ATRNL1: variants seen among roughly 807,000 people sequenced by gnomAD.
ATRNL1 encodes the protein attractin like 1, also known as attractin-like protein 1.
Under a neutral mutation model 182.7 loss-of-function variants are expected in ATRNL1, and 95 were observed. The observed-to-expected ratio is 0.52, with a 90% CI of 0.44 to 0.62. The LOEUF is 0.62. Among genes scored for constraint, ATRNL1 ranks in the 20% least tolerant of loss-of-function variants. ATRNL1 has a pLI of 0.00. For missense variants in ATRNL1, 1,471 were observed against 1,679.5 expected, an observed-to-expected ratio of 0.88 and a Z score of 2.17; for synonymous variants, 576 against 568.3, an observed-to-expected ratio of 1.01 and a Z score of -0.19.
At chr10:115,897,861 A>G (rs1008414632) in intron 28 of ATRNL1, among the ~76,000 whole-genome samples, 4 of 152,180 alleles carry the variant, frequency 2.6e-5, no homozygotes, top group African/African-American at 7.2e-5. Context: ...GTGATCATTC[A>G]TGTTAGTCGT....
chr10:115,351,742 G>GTTTTGTTTTGTTT (rs1554941414), intron 19 of ATRNL1, among the ~76,000 whole-genome samples: 1 of 149,742 alleles, frequency 6.7e-6, no homozygotes, highest in Non-Finnish European at 1.5e-5. Context: ...TTCTTTTCTT[G>GTTTTGTTTTGTTT]TGTTTTGTTT....
intron 27 of ATRNL1, among the ~76,000 whole-genome samples, chr10:115,760,862 C>T (rs1948717246): frequency 6.6e-6 from 1 of 152,186 alleles, no homozygotes; most frequent in Non-Finnish European, 1.5e-5. Context: ...TTTTTAACTA[C>T]AGAAGGCTGG....
intron 1 of ATRNL1, among the ~76,000 whole-genome samples, chr10:115,100,369 T>C (rs1843725445): frequency 6.6e-6 from 1 of 152,174 alleles, no homozygotes; most frequent in Non-Finnish European, 1.5e-5. Flanking sequence ...TCATTTTTTT[T>C]CTCTAGAAGT....
intron 19 of ATRNL1, among the ~76,000 whole-genome samples, chr10:115,361,294 T>G (rs1554944137): frequency 6.6e-6 from 1 of 151,918 alleles, no homozygotes; most frequent in Admixed American, 6.6e-5. Flanking sequence ...TTCTCTCTTT[T>G]GTCTACCTGT....
At position 115,776,747 on chromosome 10, in the gene ATRNL1, T is replaced by C. The variant is rs568859323; in HGVS notation, c.3903+49392T>C. Among the ~76,000 whole-genome samples the C allele has an allele frequency of 6.6e-5, 10 of 152,308 alleles. No individual in the cohort carries two copies. In the South Asian group the frequency reaches 1.7e-3, roughly 25 times the overall value. On this transcript the variant is annotated intron_variant, in intron 27 of 28. Coordinates refer to ENST00000355044, the MANE Select transcript of ATRNL1 (RefSeq NM_207303.4). ...TTCTTGGCCTATGAATGTGTTATCTTGGCAAAGATCTTGAGAGATGAGCCA... is the reference window on the plus strand; with the variant it reads ...TTCTTGGCCTATGAATGTGTTATCTCGGCAAAGATCTTGAGAGATGAGCCA...
At chr10:115,260,236 A>G (rs2133867784) in intron 10 of ATRNL1, among the ~76,000 whole-genome samples, 1 of 152,372 alleles carries the variant, frequency 6.6e-6, no homozygotes, top group East Asian at 1.9e-4. Context: ...CTGAGAGCAT[A>G]AGCACTATTT....
chr10:115,619,424 A>T (rs1592957363), intron 26 of ATRNL1, among the ~76,000 whole-genome samples: 1 of 151,164 alleles, frequency 6.6e-6, no homozygotes, highest in East Asian at 2.0e-4. Flanking sequence ...CCCTGAGCAA[A>T]CTGATTCTCA....
intron 19 of ATRNL1, among the ~76,000 whole-genome samples, chr10:115,337,267 A>G (rs1389942244): frequency 6.6e-6 from 1 of 152,114 alleles, no homozygotes; most frequent in African/African-American, 2.4e-5. Flanking sequence ...CAGGCATGCA[A>G]TGTGAAATAA....
intron 27 of ATRNL1, among the ~76,000 whole-genome samples, chr10:115,751,598 G>A (rs1472737414): frequency 6.6e-6 from 1 of 151,908 alleles, no homozygotes; most frequent in East Asian, 1.9e-4. Flanking sequence ...AGATTTTTCA[G>A]CCCTATTTGT....
At chr10:115,206,331 T>G (rs944671090) in intron 8 of ATRNL1, among the ~76,000 whole-genome samples, 1 of 152,152 alleles carries the variant, frequency 6.6e-6, no homozygotes, top group Non-Finnish European at 1.5e-5. Flanking sequence ...CTCAGGTTCC[T>G]GAATCTTTAG....
At chr10:115,426,111 T>A (rs1184107728) in intron 20 of ATRNL1, 139 bp from the exon 21 acceptor site, 1 of 560,684 alleles carries the variant, frequency 1.8e-6, no homozygotes. Context: ...CTTTCAAAGA[T>A]GTGTTTTTGA....
At chr10:115,276,951 T>G (rs1296120325) in intron 13 of ATRNL1, among the ~76,000 whole-genome samples, 2 of 152,152 alleles carry the variant, frequency 1.3e-5, no homozygotes, top group African/African-American at 4.8e-5. Flanking sequence ...GTTACCATTG[T>G]TATTCTAAAG....
intron 21 of ATRNL1, among the ~76,000 whole-genome samples, chr10:115,456,400 C>T (rs782693982): frequency 5.3e-5 from 8 of 152,082 alleles, no homozygotes; most frequent in East Asian, 3.9e-4. Flanking sequence ...AACCAAACAC[C>T]GCATGTTCTC....
chr10:115,169,206 CTT>C (rs781950574), intron 7 of ATRNL1, among the ~76,000 whole-genome samples: 12 of 125,926 alleles, frequency 9.5e-5, no homozygotes, highest in African/African-American at 1.2e-4. Context: ...GTTTTGATTA[CTT>C]TTTTTTTTTT....
At chr10:115,278,763 A>G (rs1158497555) in intron 13 of ATRNL1, among the ~76,000 whole-genome samples, 6 of 152,214 alleles carry the variant, frequency 3.9e-5, no homozygotes, top group African/African-American at 7.2e-5. Flanking sequence ...CACTATCATA[A>G]TGGACTTGTT....
chr10:115,533,295 A>G (rs1467383650), intron 25 of ATRNL1, among the ~76,000 whole-genome samples: 1 of 152,096 alleles, frequency 6.6e-6, no homozygotes, highest in African/African-American at 2.4e-5. Context: ...TTATTGGTCT[A>G]TTCAGAGATT....
At chr10:115,384,445 T>C (rs782390344) in intron 19 of ATRNL1, among the ~76,000 whole-genome samples, 3 of 151,986 alleles carry the variant, frequency 2.0e-5, no homozygotes, top group Non-Finnish European at 4.4e-5. Context: ...ATATAAGGGT[T>C]TTTTTTTCTT....
At chr10:115,473,611 C>G (rs1554972534) in intron 24 of ATRNL1, among the ~76,000 whole-genome samples, 1 of 151,250 alleles carries the variant, frequency 6.6e-6, no homozygotes, top group Middle Eastern at 3.2e-3. Flanking sequence ...GAAGTGTTCA[C>G]TCTACTTCAT....
intron 24 of ATRNL1, among the ~76,000 whole-genome samples, chr10:115,486,870 G>T (rs1240848584): frequency 6.6e-6 from 1 of 152,040 alleles, no homozygotes; most frequent in Non-Finnish European, 1.5e-5. Flanking sequence ...TATGGTTTTA[G>T]GTCTTACATT....
Sources: gnomAD v4.1 joint callset for allele counts (sites outside exome capture counted in the v4.1 genomes callset) on GRCh38, gnomAD v4.1.1 for gene constraint, MANE v1.5 for transcripts, NCBI Gene and HGNC (gene_info 2026-07-23, HGNC 2026-07-21) for gene names.